TAOK1: variants seen among roughly 807,000 people sequenced by gnomAD.
TAOK1 encodes serine/threonine-protein kinase TAO1.
In TAOK1, 21 loss-of-function variants were observed where a neutral mutation model predicts 138.3. The observed-to-expected ratio is 0.15, with a 90% CI of 0.11 to 0.22. The LOEUF (loss-of-function observed/expected upper bound fraction) is 0.22. Among genes scored for constraint, TAOK1 ranks in the 10% least tolerant of loss-of-function variants. The pLI, the probability that TAOK1 is intolerant of heterozygous loss-of-function variation, is 1.00. For missense variants in TAOK1, 651 were observed against 1,227.7 expected (o/e 0.53, Z 7.02); for synonymous variants, 361 against 398.4 (o/e 0.91, Z 1.12).
chr17:29,463,721 C>A (rs1334367375), intron 2 of TAOK1, among the ~76,000 whole-genome samples: 1 of 152,112 alleles, frequency 6.6e-6, no homozygotes, highest in African/African-American at 2.4e-5. Context: ...GTGTGAACAA[C>A]AACAACAGGA....
At chr17:29,425,494 C>T (rs1905606942) in intron 1 of TAOK1, among the ~76,000 whole-genome samples, 2 of 152,154 alleles carry the variant, frequency 1.3e-5, no homozygotes, top group South Asian at 4.1e-4. Context: ...GCCTGGGCAG[C>T]ATGGCGATAC....
chr17:29,399,130 G>A (rs1285942441), intron 1 of TAOK1, among the ~76,000 whole-genome samples: 2 of 151,978 alleles, frequency 1.3e-5, no homozygotes, highest in East Asian at 3.9e-4. Context: ...AGGACTACAG[G>A]CAAATGCCAC....
At chr17:29,463,266 A>C (rs1308724089) in intron 2 of TAOK1, among the ~76,000 whole-genome samples, 1 of 152,048 alleles carries the variant, frequency 6.6e-6, no homozygotes, top group Non-Finnish European at 1.5e-5. Flanking sequence ...GCTGCCTCAT[A>C]CTATATACAA....
intron 1 of TAOK1, among the ~76,000 whole-genome samples, chr17:29,440,918 TGCG>T (rs2029924290): frequency 3.3e-5 from 5 of 152,202 alleles, no homozygotes; most frequent in Non-Finnish European, 7.3e-5. Context: ...TTTTATCAAA[TGCG>T]TTTTCCATAT....
At chr17:29,400,809 G>A (rs994153696) in intron 1 of TAOK1, among the ~76,000 whole-genome samples, 1 of 151,548 alleles carries the variant, frequency 6.6e-6, no homozygotes, top group South Asian at 2.1e-4. Context: ...ATTCAATTTA[G>A]TGAGTCACAA....
chr17:29,475,121 A>G (rs2030917344), intron 3 of TAOK1, among the ~76,000 whole-genome samples: 1 of 151,968 alleles, frequency 6.6e-6, no homozygotes, highest in South Asian at 2.1e-4. Context: ...TTGTATTTTT[A>G]GTAGAGACAC....
At chr17:29,536,620 A>G (rs2032227334) in intron 19 of TAOK1, among the ~76,000 whole-genome samples, 1 of 151,804 alleles carries the variant, frequency 6.6e-6, no homozygotes, top group South Asian at 2.1e-4. Flanking sequence ...TAAATAAATA[A>G]GATGAGAAAG....
intron 1 of TAOK1, among the ~76,000 whole-genome samples, chr17:29,394,158 T>TTG (rs1904517477): frequency 1.9e-5 from 2 of 106,296 alleles, no homozygotes; most frequent in Non-Finnish European, 3.7e-5. Flanking sequence ...CAGTTTTTTT[T>TTG]TTTTTTTTTT....
At chr17:29,510,299 C>T (rs1167215663) in intron 14 of TAOK1, among the ~76,000 whole-genome samples, 5 of 152,142 alleles carry the variant, frequency 3.3e-5, no homozygotes, top group African/African-American at 4.8e-5. Context: ...ATCACTTGAA[C>T]CCGGGAAGCG....
At chr17:29,474,741 G>A (rs543112576) in intron 3 of TAOK1, among the ~76,000 whole-genome samples, 1 of 151,966 alleles carries the variant, frequency 6.6e-6, no homozygotes, top group African/African-American at 2.4e-5. Flanking sequence ...TTCAAATATT[G>A]TGAGAGTTAC....
intron 15 of TAOK1, among the ~76,000 whole-genome samples, chr17:29,516,954 C>G (rs2031827622): frequency 6.6e-6 from 1 of 151,942 alleles, no homozygotes; most frequent in Non-Finnish European, 1.5e-5. Flanking sequence ...TGCTGAGTAG[C>G]TGGGAGTACA....
intron 2 of TAOK1, among the ~76,000 whole-genome samples, chr17:29,462,858 A>G (rs963078892): frequency 2.1e-4 from 32 of 152,086 alleles, no homozygotes; most frequent in Admixed American, 1.3e-4. Flanking sequence ...TTCTCTCAAC[A>G]GCATCTAGTT....
rs367720840 is a variant in TAOK1 at position 29,502,570 on chromosome 17, CTTTT to C, written c.1204-9_1204-6del. On this transcript the variant is annotated splice_polypyrimidine_tract_variant and intron_variant, in intron 12 of 19. Transcript: ENST00000261716. ...AACTGTTCACCTTACATAATATTGTCTTTTTTTTTTTTTCCTAGGAGGAAGAAAA... is the reference window on the plus strand; with the variant it reads ...AACTGTTCACCTTACATAATATTGTCTTTTTTTTTCCTAGGAGGAAGAAAA... 6 of 1,295,134 alleles carry C rather than the reference CTTTT, an allele frequency of 4.6e-6. No individual in the cohort carries two copies. The highest frequency in any genetic ancestry group is 4.2e-5 in the Admixed American group (2 of 48,150). 80.2% of individuals were successfully genotyped at this position (1,295,134 alleles called of 1,614,324 possible).
chr17:29,532,932 G>C (rs901594386), intron 18 of TAOK1, among the ~76,000 whole-genome samples: 2 of 144,834 alleles, frequency 1.4e-5, no homozygotes, highest in South Asian at 2.3e-4. Flanking sequence ...CTGGCCGGGT[G>C]GGGGGCTGAC....
At chr17:29,402,762 C>T (rs1211863315) in intron 1 of TAOK1, among the ~76,000 whole-genome samples, 4 of 151,964 alleles carry the variant, frequency 2.6e-5, no homozygotes, top group East Asian at 3.9e-4. Flanking sequence ...CCAGGCCAGA[C>T]GTGATGGGTC....
At chr17:29,531,723 A>G (rs778168033) in intron 18 of TAOK1, among the ~76,000 whole-genome samples, 13 of 151,312 alleles carry the variant, frequency 8.6e-5, no homozygotes, top group Non-Finnish European at 1.2e-4. Flanking sequence ...AGATTGCGCC[A>G]TTGCACTCCA....
intron 7 of TAOK1, among the ~76,000 whole-genome samples, chr17:29,480,871 C>CAA: frequency 2.1e-5 from 2 of 96,838 alleles, no homozygotes; most frequent in South Asian, 4.1e-4. Flanking sequence ...CCCTGTCTCT[C>CAA]AAAAAAAAAA....
rs1248830717 is a variant in TAOK1, at chr17:29,550,955, T to C, written c.*7933T>C. 1 of 152,506 alleles carries C rather than the reference T, an allele frequency of 6.6e-6. No homozygotes were observed. The highest frequency in any genetic ancestry group is 1.5e-5 in the Non-Finnish European group (1 of 68,018). The allele number at this position is 152,506 out of a possible 1,614,324, so 9.4% of individuals were successfully genotyped here. A position where few individuals can be genotyped will look rare whatever the true frequency, so the allele number is the denominator to read the frequency against. Reference sequence around the variant, plus strand: ...CAGGGTTGGTTTTTATTTTTATTTTTGCTATTTACCTAAAAAAAGAAAATG... The same window carrying C: ...CAGGGTTGGTTTTTATTTTTATTTTCGCTATTTACCTAAAAAAAGAAAATG... On this transcript the variant is annotated 3_prime_UTR_variant, in exon 20 of 20. Transcript: ENST00000261716.
At chr17:29,420,017 C>A (rs887187630) in intron 1 of TAOK1, among the ~76,000 whole-genome samples, 1 of 151,626 alleles carries the variant, frequency 6.6e-6, no homozygotes, top group Admixed American at 6.6e-5. Flanking sequence ...GTAGCTGGGA[C>A]TACAAGTGTT....
Sources: allele counts gnomAD v4.1 joint callset (sites outside exome capture counted in the v4.1 genomes callset), GRCh38; gene constraint gnomAD v4.1.1; transcripts MANE v1.5; gene names NCBI Gene and HGNC (gene_info 2026-07-23, HGNC 2026-07-21).